FRMD3: variants seen among roughly 807,000 people sequenced by gnomAD.
FRMD3 encodes the protein FERM domain-containing protein 3.
FRMD3 carries 33 observed loss-of-function variants against 70.2 expected under a neutral mutation model. The ratio of observed to expected loss-of-function variants is 0.47; its 90% CI spans 0.36 to 0.63. FRMD3 has a LOEUF of 0.63. FRMD3 is among the 20% of genes least tolerant of loss of function. The pLI is 0.00. For missense variants in FRMD3, 632 were observed against 711.4 expected (o/e 0.89, Z 1.27); for synonymous variants, 279 against 255.9 (o/e 1.09, Z -0.86).
chr9:83,430,809 C>T (rs917324567), intron 1 of FRMD3, among the ~76,000 whole-genome samples: 1 of 152,238 alleles, frequency 6.6e-6, no homozygotes, highest in African/African-American at 2.4e-5. Flanking sequence ...CCACTTGGCA[C>T]TGGCTCAGCA....
At chr9:83,404,273 A>G (rs1826035865) in intron 1 of FRMD3, among the ~76,000 whole-genome samples, 1 of 152,184 alleles carries the variant, frequency 6.6e-6, no homozygotes, top group Non-Finnish European at 1.5e-5. Flanking sequence ...AGGGTGTTTC[A>G]TTTTTATGAA....
intron 8 of FRMD3, among the ~76,000 whole-genome samples, chr9:83,311,645 T>C (rs1835360925): frequency 6.6e-6 from 1 of 152,074 alleles, no homozygotes; most frequent in Non-Finnish European, 1.5e-5. Flanking sequence ...GAGGAAACAC[T>C]GGATACCTTC....
chr9:83,570,325 G>A, the FRMD3 span, among the ~76,000 whole-genome samples: 2 of 152,106 alleles, frequency 1.3e-5, no homozygotes, highest in Non-Finnish European at 2.9e-5. Flanking sequence ...AGGAAAAGGG[G>A]GTGTTGGGAG....
chr9:83,410,270 C>A (rs1026461058), intron 1 of FRMD3, among the ~76,000 whole-genome samples: 1 of 152,096 alleles, frequency 6.6e-6, no homozygotes, highest in Non-Finnish European at 1.5e-5. Flanking sequence ...GTATAGTACC[C>A]AATAAGTAGT....
At chr9:83,419,180 G>T (rs1826548037) in intron 1 of FRMD3, among the ~76,000 whole-genome samples, 1 of 152,000 alleles carries the variant, frequency 6.6e-6, no homozygotes, top group South Asian at 2.1e-4. Flanking sequence ...CTACATATTG[G>T]TACAATGTAC....
chr9:83,255,671 G>C (rs1832673441), intron 13 of FRMD3, among the ~76,000 whole-genome samples: 1 of 152,140 alleles, frequency 6.6e-6, no homozygotes, highest in African/African-American at 2.4e-5. Flanking sequence ...AGCAACTTCA[G>C]CAAAGTCTCA....
the FRMD3 span, among the ~76,000 whole-genome samples, chr9:83,578,246 A>T: frequency 3.9e-5 from 6 of 152,034 alleles, no homozygotes; most frequent in Non-Finnish European, 8.8e-5. Context: ...ATTCTACCAA[A>T]CATTTAAAGA....
chr9:83,439,200 A>G (rs750851530), intron 1 of FRMD3, among the ~76,000 whole-genome samples: 5 of 152,240 alleles, frequency 3.3e-5, no homozygotes, highest in Admixed American at 6.5e-5. Context: ...GGGCCATGAA[A>G]GCCATAAAAC....
At chr9:83,271,314 C>A (rs899260451) in intron 13 of FRMD3, among the ~76,000 whole-genome samples, 5 of 152,096 alleles carry the variant, frequency 3.3e-5, no homozygotes, top group African/African-American at 1.2e-4. Context: ...ATTAAATGTT[C>A]TTTGTAATCA....
chr9:83,583,035 G>A, the FRMD3 span, among the ~76,000 whole-genome samples: 1 of 152,144 alleles, frequency 6.6e-6, no homozygotes, highest in East Asian at 1.9e-4. Context: ...CTCTCCAGAT[G>A]ATATTTAAGA....
At chr9:83,387,385 T>C (rs1335931950) in intron 2 of FRMD3, among the ~76,000 whole-genome samples, 1 of 152,216 alleles carries the variant, frequency 6.6e-6, no homozygotes, top group Admixed American at 6.5e-5. Context: ...TTCCTTAATG[T>C]CTTGCCTTAT....
chr9:83,266,108 A>G (rs1833243142), intron 13 of FRMD3, among the ~76,000 whole-genome samples: 1 of 152,182 alleles, frequency 6.6e-6, no homozygotes, highest in African/African-American at 2.4e-5. Flanking sequence ...CTAATTCTGC[A>G]ATAATATATC....
At chr9:83,479,724 AG>A (rs1828510471) in intron 1 of FRMD3, among the ~76,000 whole-genome samples, 2 of 51,850 alleles carry the variant, frequency 3.9e-5, no homozygotes, top group African/African-American at 2.1e-4. Context: ...AAGAAAGAAA[AG>A]AAAGGGAAAG....
chr9:83,372,384 AAAG>A (rs377382308), intron 3 of FRMD3, among the ~76,000 whole-genome samples: 16,526 of 148,988 alleles, frequency 0.11, 1,034 homozygotes, highest in African/African-American at 0.18. Context: ...AAAAAAAAAA[AAAG>A]AAGTTCAGAA....
At chr9:83,379,155 CCT>C (rs1825280714) in intron 2 of FRMD3, among the ~76,000 whole-genome samples, 1 of 152,160 alleles carries the variant, frequency 6.6e-6, no homozygotes, top group East Asian at 1.9e-4. Context: ...TCATCCCCTT[CCT>C]CTCTCTCCTC....
At chr9:83,434,045 G>T (rs1456910598) in intron 1 of FRMD3, among the ~76,000 whole-genome samples, 1 of 152,232 alleles carries the variant, frequency 6.6e-6, no homozygotes, top group African/African-American at 2.4e-5. Flanking sequence ...AGGGCTTCCT[G>T]TCTGGAGCTC....
At position 83,345,712 on chromosome 9, in the gene FRMD3, G is replaced by A. The variant is rs550397631; in HGVS notation, c.375-2425C>T. ...GCAGAAGTTACAGTGAGCCGAGATC[G>A]CACCACTGCACTCCAGCCTGGGTGA... On this transcript the variant is annotated intron_variant, in intron 4 of 13. Coordinates refer to ENST00000304195, the MANE Select transcript of FRMD3 (RefSeq NM_174938.6). Among the ~76,000 whole-genome samples, 14 of 151,908 alleles carry A rather than the reference G, an allele frequency of 9.2e-5. No individual in the cohort carries two copies. The East Asian group carries it at 2.5e-3, about 27-fold the overall frequency.
chr9:83,503,215 C>T lies in FRMD3; in HGVS notation c.147+34870G>A, dbSNP rs115846939. Among the ~76,000 whole-genome samples the T allele has an allele frequency of 5.1e-3, 772 of 152,252 alleles. 7 individuals carry two copies. The highest frequency in any genetic ancestry group is 0.018 in the African/African-American group (744 of 41,526). On this transcript the variant is annotated intron_variant, in intron 1 of 13. Coordinates refer to ENST00000304195, the MANE Select transcript of FRMD3 (RefSeq NM_174938.6). ...ATGCTATGTTACATGGCACAATTGG[C>T]CATCAGATAGGGAAATTATCTGCAT...
At chr9:83,403,503 G>A (rs1358290895) in intron 1 of FRMD3, among the ~76,000 whole-genome samples, 2 of 152,134 alleles carry the variant, frequency 1.3e-5, no homozygotes, top group Admixed American at 6.5e-5. Context: ...TCCTGAGAAG[G>A]TTGAGAGGCT....
Sources: allele counts gnomAD v4.1 joint callset (sites outside exome capture counted in the v4.1 genomes callset), GRCh38; gene constraint gnomAD v4.1.1; transcripts MANE v1.5; gene names NCBI Gene and HGNC (gene_info 2026-07-23, HGNC 2026-07-21).